The following TACR3 variants were observed in gnomAD, a reference collection of about 807,000 sequenced individuals.
TACR3 encodes the protein tachykinin receptor 3.
Under a neutral mutation model 35.0 loss-of-function variants are expected in TACR3, and 34 were observed. That is an observed-to-expected ratio of 0.97 (90% CI 0.74 to 1.30). The LOEUF is 1.30. Ranked by LOEUF, TACR3 falls within the 50% of genes most tolerant of loss-of-function variation. TACR3 has a pLI of 0.00. For synonymous variants in TACR3, 233 were observed against 221.1 expected (o/e 1.05, Z -0.48); for missense variants, 558 against 591.7 (o/e 0.94, Z 0.59).
At chr4:103,652,383 C>T (rs916136852) in intron 3 of TACR3, among the ~76,000 whole-genome samples, 4 of 152,096 alleles carry the variant, frequency 2.6e-5, no homozygotes, top group African/African-American at 9.7e-5. Flanking sequence ...CAATGTCTAA[C>T]AATTGCTGTC....
intron 3 of TACR3, among the ~76,000 whole-genome samples, chr4:103,595,765 T>C (rs1723993016): frequency 6.6e-6 from 1 of 152,004 alleles, no homozygotes; most frequent in Non-Finnish European, 1.5e-5. Context: ...TTTTTATTAT[T>C]ATACTTTAAG....
chr4:103,712,628 T>C (rs1722997294), intron 1 of TACR3, among the ~76,000 whole-genome samples: 1 of 151,880 alleles, frequency 6.6e-6, no homozygotes, highest in African/African-American at 2.4e-5. Context: ...ACAAATGGGA[T>C]CCAATTAAAC....
intron 3 of TACR3, among the ~76,000 whole-genome samples, chr4:103,654,709 A>T (rs543896609): frequency 3.0e-4 from 31 of 101,656 alleles, no homozygotes; most frequent in East Asian, 1.1e-3. Context: ...TAATAAAATT[A>T]AAAAAAAAAG....
chr4:103,598,876 G>A (rs545622967), intron 3 of TACR3, among the ~76,000 whole-genome samples: 118 of 152,322 alleles, frequency 7.7e-4, no homozygotes, highest in Non-Finnish European at 1.3e-3. Context: ...ATAGTTTGAA[G>A]TCAGGTAGCA....
At position 103,694,770 on chromosome 4, in the gene TACR3, A is replaced by G. The variant is rs116320827; in HGVS notation, c.548+24358T>C. 6.8e-3 allele frequency among the ~76,000 whole-genome samples: 1,039 copies of G among 152,310 alleles called. 12 individuals are homozygous for G. Among genetic ancestry groups the G allele is most frequent in the Non-Finnish European group, 9.4e-3 (639 of 68,024 alleles). On this transcript the variant is annotated intron_variant, in intron 1 of 4. Transcript: ENST00000304883. ...CACTAACCAGAATAAAAGATTTGCT[A>G]TATAAATATCATAAAAATTAGTCTT... is the stretch of plus-strand genomic sequence containing the variant.
At chr4:103,704,005 G>GAGGCAGGAGAATGGAGTGAACC (rs1440947439) in intron 1 of TACR3, among the ~76,000 whole-genome samples, 2 of 149,324 alleles carry the variant, frequency 1.3e-5, no homozygotes, top group Non-Finnish European at 3.0e-5. Context: ...GCAGGAGGCT[G>GAGGCAGGAGAATGGAGTGAACC]AGGCAGGAGA....
chr4:103,635,331 G>A (rs1725162018), intron 3 of TACR3, among the ~76,000 whole-genome samples: 1 of 151,870 alleles, frequency 6.6e-6, no homozygotes, highest in African/African-American at 2.4e-5. Context: ...TGAGATTGAA[G>A]AGAAAGAATA....
intron 3 of TACR3, among the ~76,000 whole-genome samples, chr4:103,599,725 G>A (rs1276060068): frequency 6.7e-6 from 1 of 148,986 alleles, no homozygotes; most frequent in Non-Finnish European, 1.5e-5. Flanking sequence ...TGTGCTTTTT[G>A]TCATTGGTTC....
chr4:103,654,813 A>G (rs1297279181), intron 3 of TACR3, among the ~76,000 whole-genome samples: 3 of 152,132 alleles, frequency 2.0e-5, no homozygotes, highest in Non-Finnish European at 4.4e-5. Context: ...GATACCTAAG[A>G]TATAGCTATA....
intron 3 of TACR3, among the ~76,000 whole-genome samples, chr4:103,655,403 T>C (rs1167679619): frequency 6.6e-6 from 1 of 152,102 alleles, no homozygotes; most frequent in Non-Finnish European, 1.5e-5. Flanking sequence ...TTCATTCATC[T>C]TTGATAAAAC....
chr4:103,707,436 A>G (rs1298511615), intron 1 of TACR3, among the ~76,000 whole-genome samples: 4 of 152,070 alleles, frequency 2.6e-5, no homozygotes, highest in East Asian at 3.9e-4. Context: ...TTTTTCTCCA[A>G]TCTTAATTTT....
At chr4:103,597,800 G>A (rs1349008067) in intron 3 of TACR3, among the ~76,000 whole-genome samples, 1 of 152,154 alleles carries the variant, frequency 6.6e-6, no homozygotes, top group Non-Finnish European at 1.5e-5. Context: ...ATTTATGGCT[G>A]CATAGTATTC....
chr4:103,604,861 G>T (rs1404880667), intron 3 of TACR3, among the ~76,000 whole-genome samples: 1 of 150,898 alleles, frequency 6.6e-6, no homozygotes, highest in East Asian at 1.9e-4. Flanking sequence ...TTAAGTTTTA[G>T]GGTACATGTG....
At chr4:103,674,802 GGCCTTCC>G (rs1167171276) in intron 1 of TACR3, among the ~76,000 whole-genome samples, 1 of 152,086 alleles carries the variant, frequency 6.6e-6, no homozygotes, top group Non-Finnish European at 1.5e-5. Flanking sequence ...TGCCTGCCTC[GGCCTTCC>G]AAAGTGCTGG....
chr4:103,625,837 G>GA (rs1724880015), intron 3 of TACR3, among the ~76,000 whole-genome samples: 1 of 145,372 alleles, frequency 6.9e-6, no homozygotes, highest in African/African-American at 2.5e-5. Context: ...TGAAGATAGG[G>GA]CCTTTAAAGA....
At chr4:103,711,650 C>A (rs145245806) in intron 1 of TACR3, among the ~76,000 whole-genome samples, 17,749 of 151,986 alleles carry the variant, frequency 0.12, 1,356 homozygotes, top group East Asian at 0.37. Context: ...CCAGGGCAAT[C>A]AGGCAGGAGA....
At chr4:103,662,083 ACTT>A (rs1009732495) in intron 1 of TACR3, among the ~76,000 whole-genome samples, 14 of 152,224 alleles carry the variant, frequency 9.2e-5, no homozygotes, top group African/African-American at 3.1e-4. Context: ...TTTAGATTGT[ACTT>A]CAATTGTCCC....
intron 3 of TACR3, among the ~76,000 whole-genome samples, chr4:103,620,539 T>C (rs966645074): frequency 6.6e-6 from 1 of 152,184 alleles, no homozygotes; most frequent in Admixed American, 6.5e-5. Flanking sequence ...AAAATGCCCA[T>C]ATACACCTTG....
At chr4:103,624,183 G>A (rs1024134129) in intron 3 of TACR3, 1 of 152,080 alleles carries the variant, frequency 6.6e-6, no homozygotes, top group African/African-American at 2.4e-5. Context: ...TTGTTCTCAT[G>A]TCTTTTATGA....
Sources: allele counts gnomAD v4.1 joint callset (sites outside exome capture counted in the v4.1 genomes callset), GRCh38; gene constraint gnomAD v4.1.1; transcripts MANE v1.5; gene names NCBI Gene and HGNC (gene_info 2026-07-23, HGNC 2026-07-21).